KCNMB2: variants seen among roughly 807,000 people sequenced by gnomAD.
KCNMB2 encodes the protein potassium calcium-activated channel subfamily M regulatory beta subunit 2, also known as calcium-activated potassium channel subunit beta-2.
In KCNMB2, 9 loss-of-function variants were observed where a neutral mutation model predicts 24.5. The observed-to-expected ratio is 0.37, with a 90% CI of 0.22 to 0.64. The LOEUF is 0.64. Among genes scored for constraint, KCNMB2 ranks in the 30% least tolerant of loss-of-function variants. The pLI, the probability that KCNMB2 is intolerant of heterozygous loss-of-function variation, is 0.63. For missense variants in KCNMB2, 226 were observed against 284.3 expected (o/e 0.79, Z 1.47); for synonymous variants, 109 against 104.4 (o/e 1.04, Z -0.27).
intron 1 of KCNMB2, among the ~76,000 whole-genome samples, chr3:178,740,483 G>A (rs891495507): frequency 1.3e-5 from 2 of 152,066 alleles, no homozygotes; most frequent in African/African-American, 4.8e-5. Flanking sequence ...TACCCATGAT[G>A]TTCATAAATC....
chr3:178,649,085 C>A (rs1184022579), intron 1 of KCNMB2, among the ~76,000 whole-genome samples: 1 of 152,002 alleles, frequency 6.6e-6, no homozygotes. Context: ...TTTGTAATTC[C>A]CTATATGATT....
chr3:178,720,697 A>T (rs1722773826), intron 1 of KCNMB2, among the ~76,000 whole-genome samples: 1 of 131,100 alleles, frequency 7.6e-6, no homozygotes. Context: ...ATGGTATCTC[A>T]TTGTGGTTTT....
intron 1 of KCNMB2, among the ~76,000 whole-genome samples, chr3:178,774,306 G>T (rs77021771): frequency 6.6e-6 from 1 of 152,028 alleles, no homozygotes; most frequent in African/African-American, 2.4e-5. Context: ...GCCTTGGAAA[G>T]ATACAAGGTG....
At chr3:178,683,576 A>C (rs1721351287) in intron 1 of KCNMB2, among the ~76,000 whole-genome samples, 1 of 152,212 alleles carries the variant, frequency 6.6e-6, no homozygotes, top group African/African-American at 2.4e-5. Flanking sequence ...AAGTCTTCAC[A>C]TTCAGATGTG....
intron 1 of KCNMB2, among the ~76,000 whole-genome samples, chr3:178,544,437 C>T (rs1489574641): frequency 2.0e-5 from 3 of 152,282 alleles, no homozygotes; most frequent in Admixed American, 6.5e-5. Flanking sequence ...ACAGTTCAGA[C>T]AGCAAATGCC....
At chr3:178,747,915 T>G (rs1412474330) in intron 1 of KCNMB2, among the ~76,000 whole-genome samples, 1 of 152,246 alleles carries the variant, frequency 6.6e-6, no homozygotes, top group South Asian at 2.1e-4. Flanking sequence ...GGAAAGTTAC[T>G]TGGTTGAAAT....
chr3:178,816,314 C>T (rs1387290449), intron 2 of KCNMB2, among the ~76,000 whole-genome samples: 1 of 151,774 alleles, frequency 6.6e-6, no homozygotes, highest in Admixed American at 6.6e-5. Context: ...ATTTTCTTTC[C>T]AATCCATACC....
intron 1 of KCNMB2, among the ~76,000 whole-genome samples, chr3:178,737,264 G>A (rs1200650184): frequency 6.6e-6 from 1 of 151,064 alleles, no homozygotes; most frequent in Non-Finnish European, 1.5e-5. Flanking sequence ...GTGAGATTCT[G>A]TTTAAAAAAA....
chr3:178,621,822 T>C (rs770836877), intron 1 of KCNMB2, among the ~76,000 whole-genome samples: 1 of 152,172 alleles, frequency 6.6e-6, no homozygotes, highest in Non-Finnish European at 1.5e-5. Context: ...GAAAGGTTAG[T>C]TAACTATGGA....
At chr3:178,558,426 A>G (rs1324997170) in intron 1 of KCNMB2, among the ~76,000 whole-genome samples, 2 of 152,190 alleles carry the variant, frequency 1.3e-5, no homozygotes, top group Non-Finnish European at 2.9e-5. Context: ...TAGGAGCTGC[A>G]ATTCTCTGGG....
chr3:178,647,478 A>G (rs1208355982), intron 1 of KCNMB2, among the ~76,000 whole-genome samples: 1 of 152,216 alleles, frequency 6.6e-6, no homozygotes, highest in Non-Finnish European at 1.5e-5. Flanking sequence ...CTAGAATCAT[A>G]ATAACCTGAG....
At chr3:178,572,179 T>C (rs1716827697) in intron 1 of KCNMB2, among the ~76,000 whole-genome samples, 1 of 152,346 alleles carries the variant, frequency 6.6e-6, no homozygotes, top group Non-Finnish European at 1.5e-5. Context: ...GGTTGGTCAA[T>C]GCGCATTTTT....
rs188086069 is a variant in KCNMB2, at chr3:178,824,649, C to T, written c.57-939C>T. The T allele has an allele frequency of 1.1e-3, 166 of 153,716 alleles. 1 individual carries two copies. Among genetic ancestry groups the T allele is most frequent in the African/African-American group, 3.9e-3 (161 of 41,590 alleles). 9.5% of individuals were successfully genotyped at this position (153,716 alleles called of 1,614,324 possible). A position where few individuals can be genotyped will look rare whatever the true frequency, so the allele number is the denominator to read the frequency against. On this transcript the variant is annotated intron_variant, in intron 2 of 4. Coordinates refer to ENST00000452583, the MANE Select transcript of KCNMB2 (RefSeq NM_181361.3). ...TCGGCATCCGAAAGTGCTGGGATTA[C>T]AGGCATGAGCCACCACACCCGGCCA...
At position 178,541,355 on chromosome 3, in the gene KCNMB2, G is replaced by A. The variant is rs115096812; in HGVS notation, c.-68+4644G>A. On this transcript the variant is annotated intron_variant, in intron 1 of 4. Transcript: ENST00000452583. ...CCTATATTTTCTTTGCTCTCCCCTG[G>A]CAATGAGGAAAGGGATGGTAAAACC... is the stretch of plus-strand genomic sequence containing the variant. Among the ~76,000 whole-genome samples the A allele has an allele frequency of 7.5e-3, 1,144 of 152,174 alleles. 14 individuals are homozygous for A. Among genetic ancestry groups the A allele is most frequent in the African/African-American group, 0.027 (1,101 of 41,528 alleles).
chr3:178,605,692 G>C (rs1410643845), intron 1 of KCNMB2, among the ~76,000 whole-genome samples: 1 of 152,188 alleles, frequency 6.6e-6, no homozygotes, highest in Non-Finnish European at 1.5e-5. Flanking sequence ...TTGGAAACTG[G>C]AGGAAAGGTG....
chr3:178,600,949 C>T (rs1718060379), intron 1 of KCNMB2, among the ~76,000 whole-genome samples: 1 of 151,978 alleles, frequency 6.6e-6, no homozygotes, highest in African/African-American at 2.4e-5. Flanking sequence ...ATATCCTGTC[C>T]AGCATCAATG....
chr3:178,795,286 G>A (rs1339338190), intron 1 of KCNMB2: 1 of 152,026 alleles, frequency 6.6e-6, no homozygotes, highest in African/African-American at 2.4e-5. Context: ...CATCCTTTGA[G>A]TTTTTATATT....
intron 1 of KCNMB2, among the ~76,000 whole-genome samples, chr3:178,768,939 AT>A (rs1288655144): frequency 6.8e-6 from 1 of 147,460 alleles, no homozygotes; most frequent in African/African-American, 2.5e-5. Context: ...ATACCCCATA[AT>A]GTACCAACAT....
chr3:178,727,652 C>G (rs779335156), intron 1 of KCNMB2, among the ~76,000 whole-genome samples: 3 of 151,918 alleles, frequency 2.0e-5, no homozygotes, highest in Non-Finnish European at 2.9e-5. Flanking sequence ...GGAAGGGAGT[C>G]ATGAGCCAAA....
Sources: allele counts gnomAD v4.1 joint callset (sites outside exome capture counted in the v4.1 genomes callset), GRCh38; gene constraint gnomAD v4.1.1; transcripts MANE v1.5; gene names NCBI Gene and HGNC (gene_info 2026-07-23, HGNC 2026-07-21).